FANCI: variants seen among roughly 807,000 people sequenced by gnomAD.
FANCI encodes the protein Fanconi anemia group I protein.
In FANCI, 156 loss-of-function variants were observed where a neutral mutation model predicts 176.1. The observed-to-expected ratio is 0.89, with a 90% CI of 0.78 to 1.01. The LOEUF (loss-of-function observed/expected upper bound fraction) is 1.01, where lower values mean the gene tolerates loss of function less well. Ranked by LOEUF, FANCI falls within the 50% of genes least tolerant of loss-of-function variation. The pLI, the probability that FANCI is intolerant of heterozygous loss-of-function variation, is 0.00. For missense variants in FANCI, 1,678 were observed against 1,534.1 expected, an observed-to-expected ratio of 1.09 and a Z score of -1.57; for synonymous variants, 613 against 541.7, an observed-to-expected ratio of 1.13 and a Z score of -1.83.
chr15:89,272,628 G>A (rs1305549705), intron 10 of FANCI, among the ~76,000 whole-genome samples: 1 of 151,862 alleles, frequency 6.6e-6, no homozygotes. Flanking sequence ...CTTACATTTG[G>A]ATTTCTGATC....
chr15:89,261,865 C>G lies in FANCI; in HGVS notation c.490C>G (p.Leu164Val), dbSNP rs1385014199. The part of the protein sequence containing the change: ...EECKKQLINT[L>V]CSGRWDQQYV... ...ATGTAAGAAACAGTTGATTAACACC[C>G]TGTGTTCTGGCAGGTGAGTCTTGTT... Residue 164 changes from leucine to valine, a missense_variant, in exon 6 of 38, where the codon CTG becomes GTG. This residue lies in a region of FANCI where 469 missense variants were observed against 436.9 expected (regional missense o/e 1.07). Coordinates refer to ENST00000310775, the MANE Select transcript of FANCI (RefSeq NM_001113378.2). 6.2e-7 allele frequency: 1 copy of G among 1,613,964 alleles called. No homozygotes were observed. Among genetic ancestry groups the G allele is most frequent in the Non-Finnish European group, 8.5e-7 (1 of 1,179,912 alleles).
intron 18 of FANCI, among the ~76,000 whole-genome samples, chr15:89,289,634 T>C (rs1331622884): frequency 6.6e-6 from 1 of 152,088 alleles, no homozygotes; most frequent in African/African-American, 2.4e-5. Context: ...AAAAAAATTT[T>C]TTTGATCAAT....
At chr15:89,264,055 T>C in intron 8 of FANCI, 29 bp downstream of exon 8, 1 of 1,613,780 alleles carries the variant, frequency 6.2e-7, no homozygotes, top group Non-Finnish European at 8.5e-7. Context: ...TTCTCCTTAG[T>C]TCTGGTGGTA....
intron 14 of FANCI, among the ~76,000 whole-genome samples, chr15:89,279,031 C>A (rs1000217538): frequency 6.6e-6 from 1 of 152,174 alleles, no homozygotes; most frequent in African/African-American, 2.4e-5. Context: ...TTGTTAATAC[C>A]TCTCAAATGA....
chr15:89,305,056 G>A (rs528474615), intron 28 of FANCI, 59 bp from the exon 29 acceptor site: 28 of 1,602,314 alleles, frequency 1.7e-5, no homozygotes, highest in East Asian at 2.2e-5. Context: ...GATTACAGGC[G>A]TGAGCCACTG....
At chr15:89,287,866 A>G (rs1289163804) in intron 18 of FANCI, among the ~76,000 whole-genome samples, 3 of 150,934 alleles carry the variant, frequency 2.0e-5, no homozygotes, top group African/African-American at 5.0e-5. Context: ...ACTATCTTAT[A>G]TAGACACAAT....
chr15:89,290,167 A>G, intron 18 of FANCI, 46 bp from the exon 19 acceptor site: 3 of 1,370,002 alleles, frequency 2.2e-6, no homozygotes, highest in Non-Finnish European at 1.0e-6. Flanking sequence ...CCAGATCACT[A>G]GTATCTCTGT....
chr15:89,258,376 A>G (rs970861338), intron 2 of FANCI, among the ~76,000 whole-genome samples: 1 of 152,076 alleles, frequency 6.6e-6, no homozygotes, highest in African/African-American at 2.4e-5. Context: ...TCTGAGTCAA[A>G]TTACTATGTC....
At chr15:89,258,521 G>C (rs527636403) in intron 2 of FANCI, among the ~76,000 whole-genome samples, 183 bp from the exon 3 acceptor site, 1 of 152,264 alleles carries the variant, frequency 6.6e-6, no homozygotes, top group East Asian at 1.9e-4. Context: ...ATAGATTTTA[G>C]TCTTGACAAT....
chr15:89,256,831 C>T (rs948944339), intron 2 of FANCI, among the ~76,000 whole-genome samples: 2 of 152,172 alleles, frequency 1.3e-5, no homozygotes, highest in South Asian at 2.1e-4. Context: ...ATTTTCAGCA[C>T]GTAAACAGAT....
In FANCI at chr15:89,292,884, C is replaced by G; in HGVS notation, c.2169+20C>G. On this transcript the variant is annotated intron_variant, in intron 21 of 37. Transcript: ENST00000310775. Reference sequence around the variant, plus strand: ...GAACTGGTAATTGCTAAGTCCTCAGCTGTATTGAATGATGGAGTTCTTTAG... The same window carrying G: ...GAACTGGTAATTGCTAAGTCCTCAGGTGTATTGAATGATGGAGTTCTTTAG... The G allele has an allele frequency of 6.2e-7, 1 of 1,614,010 alleles. No homozygotes were observed.
intron 36 of FANCI, 134 bp from the exon 37 acceptor site, chr15:89,315,148 A>G: frequency 1.4e-6 from 1 of 724,516 alleles, no homozygotes; most frequent in South Asian, 1.5e-5. Context: ...ACCCCAGCAT[A>G]CAGAAGGAAG....
At chr15:89,271,957 T>C (rs893260143) in intron 10 of FANCI, among the ~76,000 whole-genome samples, 61 of 152,360 alleles carry the variant, frequency 4.0e-4, no homozygotes, top group African/African-American at 1.4e-3. Flanking sequence ...TTATTTCTTT[T>C]GTGCATATAT....
At position 89,268,441 on chromosome 15, in the gene FANCI, T is replaced by C. The variant is rs148856789; in HGVS notation, c.798T>C (p.His266=). The C allele has an allele frequency of 1.3e-5, 21 of 1,614,086 alleles. No homozygotes were observed. The African/African-American group carries it at 2.0e-4, about 15-fold the overall frequency. ...VVTVPSGELR[H]VEGTIILHIV... ...CTGTGCCATCAGGTGAACTTCGTCA[T>C]GTGGAAGGCACCATTATTCTACACA... Residue 266 remains histidine, a synonymous_variant, in exon 10 of 38, where the codon CAT becomes CAC. Coordinates refer to ENST00000310775, the MANE Select transcript of FANCI (RefSeq NM_001113378.2).
intron 17 of FANCI, among the ~76,000 whole-genome samples, chr15:89,283,482 C>CT: frequency 6.6e-6 from 1 of 152,188 alleles, no homozygotes; most frequent in East Asian, 1.9e-4. Context: ...AGCCACTGTC[C>CT]TCAGTGTGGC....
chr15:89,261,916 C>T (rs1206917610), intron 6 of FANCI, 38 bp downstream of exon 6: 1 of 1,595,288 alleles, frequency 6.3e-7, no homozygotes, highest in Non-Finnish European at 8.6e-7. Context: ...CTTAGGAATA[C>T]AAGTGGCGGA....
At chr15:89,285,340 T>C in intron 18 of FANCI, 122 bp downstream of exon 18, 1 of 1,317,320 alleles carries the variant, frequency 7.6e-7, no homozygotes, top group South Asian at 1.3e-5. Context: ...TCAGCACCAG[T>C]AGCTAGTGAT....
intron 5 of FANCI, 29 bp downstream of exon 5, chr15:89,261,770 T>C: frequency 6.2e-7 from 1 of 1,614,196 alleles, no homozygotes. Context: ...TAGTGGCTTT[T>C]TCTCTATGCA....
chr15:89,250,550 T>TGGGGG (rs1567136167), intron 2 of FANCI, among the ~76,000 whole-genome samples: 3 of 54,880 alleles, frequency 5.5e-5, no homozygotes, highest in Non-Finnish European at 6.6e-5. Flanking sequence ...TGTTGTGGAG[T>TGGGGG]GAGGGGAGGG....
Sources: allele counts gnomAD v4.1 joint callset (sites outside exome capture counted in the v4.1 genomes callset), GRCh38; gene constraint gnomAD v4.1.1; regional missense constraint gnomAD v4.1.1; transcripts MANE v1.5; gene names NCBI Gene and HGNC (gene_info 2026-07-23, HGNC 2026-07-21).